GABRA4: variants seen among roughly 807,000 people sequenced by gnomAD.
GABRA4 encodes the protein gamma-aminobutyric acid type A receptor subunit alpha4, also known as gamma-aminobutyric acid receptor subunit alpha-4.
GABRA4 carries 12 observed loss-of-function variants against 49.7 expected under a neutral mutation model. The ratio of observed to expected loss-of-function variants is 0.24; its 90% CI spans 0.15 to 0.39. The LOEUF is 0.39. GABRA4 is among the 10% of genes least tolerant of loss of function. The pLI is 1.00. For missense variants in GABRA4, 506 were observed against 686.0 expected (o/e 0.74, Z 2.93); for synonymous variants, 288 against 240.2 (o/e 1.20, Z -1.84).
In GABRA4 at chr4:46,924,161, A is replaced by T. The variant is rs1721129128; in HGVS notation, c.*4064T>A. The stretch of plus-strand genomic sequence containing the variant: ...TCTTTTATCCACCTCTATCTAGATC[A>T]GTGCTATGCTGAGCAATTTTGGAGC... On this transcript the variant is annotated 3_prime_UTR_variant, in exon 9 of 9. Coordinates refer to ENST00000264318, the MANE Select transcript of GABRA4 (RefSeq NM_000809.4). 1 of 152,116 alleles carries T rather than the reference A, an allele frequency of 6.6e-6. No homozygotes were observed. Among genetic ancestry groups the T allele is most frequent in the South Asian group, 2.1e-4 (1 of 4,832 alleles). The allele number at this position is 152,116 out of a possible 1,614,324, so 9.4% of individuals were successfully genotyped here.
chr4:46,941,924 A>G (rs894094419), intron 8 of GABRA4, among the ~76,000 whole-genome samples: 2 of 152,152 alleles, frequency 1.3e-5, no homozygotes, highest in African/African-American at 4.8e-5. Context: ...TCCTGTGGAT[A>G]TTATTCTACT....
rs771224945 is a variant in GABRA4 at position 46,993,389 on chromosome 4, C to T, written c.36G>A (p.Leu12=). 1.9e-6 allele frequency: 3 copies of T among 1,614,242 alleles called. No individual in the cohort carries two copies. The highest frequency in any genetic ancestry group is 2.2e-5 in the East Asian group (1 of 44,878). The change falls in exon 1 of 9, where the codon CTG becomes CTA. Residue 12 remains leucine (L), a synonymous_variant. Transcript: ENST00000264318. ...VSAKKVPAIA[L]SAGVSFALLR... ...GGAGGGCGAAACTGACCCCGGCGGACAGAGCGATCGCGGGTACCTTCTTGG... is the reference window on the plus strand; with the variant it reads ...GGAGGGCGAAACTGACCCCGGCGGATAGAGCGATCGCGGGTACCTTCTTGG...
chr4:46,979,931 A>G (rs1723288956), intron 2 of GABRA4, among the ~76,000 whole-genome samples: 1 of 152,122 alleles, frequency 6.6e-6, no homozygotes, highest in Non-Finnish European at 1.5e-5. Flanking sequence ...GAGCATAATG[A>G]CAATATGGCT....
chr4:46,937,560 TC>T (rs893479453), intron 8 of GABRA4, among the ~76,000 whole-genome samples: 116 of 152,268 alleles, frequency 7.6e-4, no homozygotes, highest in African/African-American at 2.6e-3. Flanking sequence ...ACCCCAAAAT[TC>T]TAGATAGAGC....
In GABRA4 at chr4:46,920,121, G is replaced by T. The variant is rs1720926019; in HGVS notation, c.*8104C>A. Reference sequence around the variant, plus strand: ...ATAATTCACAAGTATAAAAGACTGAGAAAAAAATATGTCAATCAAACTTTA... The same window carrying T: ...ATAATTCACAAGTATAAAAGACTGATAAAAAAATATGTCAATCAAACTTTA... On this transcript the variant is annotated 3_prime_UTR_variant, in exon 9 of 9. Transcript: ENST00000264318. The T allele has an allele frequency of 6.6e-6, 1 of 151,514 alleles. No homozygotes were observed. The highest frequency in any genetic ancestry group is 1.5e-5 in the Non-Finnish European group (1 of 67,600). 9.4% of individuals were successfully genotyped at this position (151,514 alleles called of 1,614,324 possible).
At chr4:46,959,946 T>C (rs1183901009) in intron 8 of GABRA4, among the ~76,000 whole-genome samples, 2 of 151,102 alleles carry the variant, frequency 1.3e-5, no homozygotes, top group East Asian at 2.0e-4. Flanking sequence ...AGACAGTCAG[T>C]ATATTTTATA....
At chr4:46,963,925 A>G (rs749794554) in intron 8 of GABRA4, among the ~76,000 whole-genome samples, 1 of 151,912 alleles carries the variant, frequency 6.6e-6, no homozygotes, top group Non-Finnish European at 1.5e-5. Flanking sequence ...ACCCAAAAGA[A>G]AGGAAATCAG....
intron 2 of GABRA4, among the ~76,000 whole-genome samples, chr4:46,992,425 G>A (rs773656887): frequency 7.2e-5 from 11 of 152,246 alleles, no homozygotes; most frequent in Non-Finnish European, 1.3e-4. Context: ...GCATGGACAC[G>A]TGGGAGGATG....
intron 2 of GABRA4, among the ~76,000 whole-genome samples, chr4:46,981,043 A>G (rs902471148): frequency 2.0e-5 from 3 of 152,080 alleles, no homozygotes; most frequent in African/African-American, 7.2e-5. Flanking sequence ...GTTAAAACAG[A>G]TTGTTGAACT....
intron 8 of GABRA4, among the ~76,000 whole-genome samples, chr4:46,953,864 C>A (rs955600731): frequency 2.6e-5 from 4 of 152,008 alleles, no homozygotes; most frequent in African/African-American, 9.7e-5. Flanking sequence ...CAGAGTTCAG[C>A]AGTGGTTGTG....
At position 46,977,225 on chromosome 4, in the gene GABRA4, G is replaced by A. The variant is rs1254735912; in HGVS notation, c.495-82C>T. 3.6e-5 allele frequency: 28 copies of A among 773,724 alleles called. No individual in the cohort carries two copies. In the African/African-American group the frequency reaches 5.0e-4, roughly 14 times the overall value. 47.9% of individuals were successfully genotyped at this position (773,724 alleles called of 1,614,324 possible). On this transcript the variant is annotated intron_variant, in intron 4 of 8. Transcript: ENST00000264318. ...TTAGATTCTAAAATAGGAAGGAAGG[G>A]AGGGAAGGAGGAAGGAAGAAGGGAG...
chr4:46,993,367 G>A lies in GABRA4; in HGVS notation c.58C>T (p.Leu20Phe), dbSNP rs754701273. ...IALSAGVSFA[L>F]LRFLCLAVCL... The stretch of plus-strand genomic sequence containing the variant: ...ACCGCCAGGCACAGGAAGCGCAGGA[G>A]GGCGAAACTGACCCCGGCGGACAGA... Residue 20 changes from leucine to phenylalanine, a missense_variant, in exon 1 of 9, where the codon CTC becomes TTC. Physicochemically the swap from Leu to Phe is conservative, Grantham distance 22. Transcript: ENST00000264318. 1.8e-5 allele frequency: 29 copies of A among 1,614,110 alleles called. No individual in the cohort carries two copies. The South Asian group carries it at 2.1e-4, about 12-fold the overall frequency.
rs1315963647 is a variant in GABRA4 at position 46,929,509 on chromosome 4, C to T, written c.1135-754G>A. 9.9e-5 allele frequency among the ~76,000 whole-genome samples: 15 copies of T among 152,112 alleles called. 1 individual carries two copies. The South Asian group carries it at 3.1e-3, about 32-fold the overall frequency. ...AAAGAGTGATTAAATTGAAATATTT[C>T]ACTGCTTTTCAGCAAATTATTTTGT... On this transcript the variant is annotated intron_variant, in intron 8 of 8. Coordinates refer to ENST00000264318, the MANE Select transcript of GABRA4 (RefSeq NM_000809.4).
rs188495956 is a variant in GABRA4 at position 46,928,415 on chromosome 4, G to A, written c.1475C>T (p.Thr492Ile). The change falls in exon 9 of 9, where the codon ACC becomes ATC. Residue 492 changes from threonine to isoleucine, a missense_variant. Physicochemically the swap from Thr to Ile is moderately conservative, Grantham distance 89. Coordinates refer to ENST00000264318, the MANE Select transcript of GABRA4 (RefSeq NM_000809.4). ...TGACAACTTCCCAGTAGCCCCTATG[G>A]TATTAACTGTGGTCTTTATCCTCTG... ...RLQRIKTTVN[T>I]IGATGKLSAT... The A allele has an allele frequency of 4.3e-6, 7 of 1,613,656 alleles. No homozygotes were observed. The highest frequency in any genetic ancestry group is 2.2e-5 in the East Asian group (1 of 44,854).
chr4:46,945,310 G>A (rs113447928), intron 8 of GABRA4, among the ~76,000 whole-genome samples: 41 of 152,214 alleles, frequency 2.7e-4, no homozygotes, highest in African/African-American at 9.4e-4. Context: ...GTTGGAAAGG[G>A]TCAACTCCTA....
chr4:46,939,160 G>A (rs1721707381), intron 8 of GABRA4, among the ~76,000 whole-genome samples: 1 of 151,932 alleles, frequency 6.6e-6, no homozygotes, highest in Non-Finnish European at 1.5e-5. Flanking sequence ...AGTGGTATAA[G>A]GATAAGGCAG....
At chr4:46,940,250 T>G (rs1211092124) in intron 8 of GABRA4, among the ~76,000 whole-genome samples, 1 of 152,094 alleles carries the variant, frequency 6.6e-6, no homozygotes, top group Non-Finnish European at 1.5e-5. Flanking sequence ...ATTCAAGATA[T>G]ATGGTAAAAC....
rs1049898574 is a variant in GABRA4 at position 46,928,255 on chromosome 4, G to C, written c.1635C>G (p.Asp545Glu). The C allele has an allele frequency of 6.2e-7, 1 of 1,611,992 alleles. No individual in the cohort carries two copies. Among genetic ancestry groups the C allele is most frequent in the African/African-American group, 1.3e-5 (1 of 74,846 alleles). ...TTAGACTTTCTGATTTCTCCATAGT[G>C]TCCTTAGATAAATAAACAACCCAAT... ...MVYWVVYLSK[D>E]TMEKSESLM is the part of the protein sequence containing the mutation. Residue 545 changes from aspartate to glutamate, a missense_variant, in exon 9 of 9, where the codon GAC (aspartate) becomes GAG (glutamate). This residue lies in a region of GABRA4 where 29 missense variants were observed against 25.1 expected (regional missense o/e 1.16). Transcript: ENST00000264318.
intron 2 of GABRA4, among the ~76,000 whole-genome samples, chr4:46,980,063 T>G (rs1288701764): frequency 2.0e-5 from 3 of 152,100 alleles, no homozygotes; most frequent in Non-Finnish European, 4.4e-5. Flanking sequence ...TAATATCATC[T>G]TCAAGTCACA....
Sources: allele counts gnomAD v4.1 joint callset (sites outside exome capture counted in the v4.1 genomes callset), GRCh38; gene constraint gnomAD v4.1.1; regional missense constraint gnomAD v4.1.1; transcripts MANE v1.5; gene names NCBI Gene and HGNC (gene_info 2026-07-23, HGNC 2026-07-21).